Variants in RIMS2 observed in about 807,000 individuals in gnomAD.
The protein encoded by RIMS2 is regulating synaptic membrane exocytosis 2.
In RIMS2, 59 loss-of-function variants were observed where a neutral mutation model predicts 174.4. The ratio of observed to expected loss-of-function variants is 0.34; its 90% CI spans 0.27 to 0.42. RIMS2 has a LOEUF of 0.42. Among genes scored for constraint, RIMS2 ranks in the 10% least tolerant of loss-of-function variants. The probability of loss-of-function intolerance (pLI) is 1.00; values close to 1 mark genes in which losing one functional copy is unlikely to be tolerated. For synonymous variants in RIMS2, 606 were observed against 572.5 expected, an observed-to-expected ratio of 1.06 and a Z score of -0.84; for missense variants, 1,620 against 1,666.3, an observed-to-expected ratio of 0.97 and a Z score of 0.48.
At chr8:103,684,857 G>T (rs879320657) in intron 1 of RIMS2, among the ~76,000 whole-genome samples, 12 of 151,964 alleles carry the variant, frequency 7.9e-5, no homozygotes, top group Non-Finnish European at 1.6e-4. Context: ...AAAGTGCTGG[G>T]ATTACAGGCA....
chr8:103,669,804 C>A (rs977780008), intron 1 of RIMS2, among the ~76,000 whole-genome samples: 8 of 152,230 alleles, frequency 5.3e-5, no homozygotes, highest in Non-Finnish European at 1.2e-4. Context: ...GAGCCCCTTC[C>A]GGCTGCTTTC....
chr8:103,834,336 T>C (rs75352065), intron 3 of RIMS2, among the ~76,000 whole-genome samples: 8 of 147,856 alleles, frequency 5.4e-5, no homozygotes, highest in African/African-American at 9.9e-5. Context: ...CTTTTTCTTT[T>C]TTTTTTTTTT....
At chr8:104,220,751 C>G (rs1289208940) in intron 19 of RIMS2, among the ~76,000 whole-genome samples, 1 of 151,964 alleles carries the variant, frequency 6.6e-6, no homozygotes, top group Non-Finnish European at 1.5e-5. Context: ...ACAGGCATGA[C>G]CCCCACACCT....
chr8:103,603,754 A>G (rs1223987737), intron 1 of RIMS2, among the ~76,000 whole-genome samples: 8 of 140,626 alleles, frequency 5.7e-5, no homozygotes, highest in African/African-American at 7.9e-5. Context: ...GCCAGTGATG[A>G]TGAGCATTTT....
intron 19 of RIMS2, among the ~76,000 whole-genome samples, chr8:104,191,859 C>T (rs2098999515): frequency 1.3e-5 from 2 of 152,104 alleles, no homozygotes; most frequent in Non-Finnish European, 2.9e-5. Flanking sequence ...CCCTCTTCAG[C>T]CTCCCAAAGT....
chr8:104,029,170 G>A lies in RIMS2; in HGVS notation c.3334+14555G>A, dbSNP rs551789252. Among the ~76,000 whole-genome samples the A allele has an allele frequency of 3.9e-5, 6 of 152,228 alleles. No homozygotes were observed. In the South Asian group the frequency reaches 6.2e-4, roughly 16 times the overall value. Reference sequence around the variant, plus strand: ...ATGCATTCTAACTAGCATATGAACCGTGAGGACAAAGAAGTCACTCTCGTT... The same window carrying A: ...ATGCATTCTAACTAGCATATGAACCATGAGGACAAAGAAGTCACTCTCGTT... On this transcript the variant is annotated intron_variant, in intron 19 of 23. Transcript: ENST00000504942.
At chr8:104,238,746 A>G (rs2099272111) in intron 19 of RIMS2, among the ~76,000 whole-genome samples, 1 of 152,280 alleles carries the variant, frequency 6.6e-6, no homozygotes, top group South Asian at 2.1e-4. Context: ...ATTGCTTCCT[A>G]AAATCTGTGA....
chr8:103,851,316 T>C (rs1232207115), intron 3 of RIMS2, among the ~76,000 whole-genome samples: 1 of 151,890 alleles, frequency 6.6e-6, no homozygotes, highest in Non-Finnish European at 1.5e-5. Context: ...TTGTAAGCTA[T>C]ATGTTTTGCT....
intron 3 of RIMS2, among the ~76,000 whole-genome samples, chr8:103,869,322 A>T (rs1310500228): frequency 6.6e-6 from 1 of 151,700 alleles, no homozygotes; most frequent in African/African-American, 2.4e-5. Flanking sequence ...CAGCCTCCTG[A>T]GTAGCTGGGA....
downstream of RIMS2, chr8:104,253,590 G>A (rs1190018475): frequency 1.3e-5 from 2 of 152,148 alleles, no homozygotes; most frequent in African/African-American, 4.8e-5. Flanking sequence ...TTTACAGACG[G>A]TTATTACCAT....
chr8:104,020,629 T>C (rs1428175788), intron 19 of RIMS2, among the ~76,000 whole-genome samples: 1 of 152,010 alleles, frequency 6.6e-6, no homozygotes, highest in Non-Finnish European at 1.5e-5. Flanking sequence ...AAGATACTAG[T>C]GGTCATGTTA....
rs544866933 is a variant in RIMS2 at position 103,961,221 on chromosome 8, GAT to G, written c.2770+92_2770+93del. ...TAAAAGTAAATAAATAAAAGAGAAA[GAT>G]ATAACTCGTCTTCTCACCCTCCAAA... On this transcript the variant is annotated intron_variant, in intron 15 of 23. Transcript: ENST00000504942. 9.7e-5 allele frequency: 72 copies of G among 740,508 alleles called. No homozygotes were observed. In the East Asian group the frequency reaches 1.6e-3, roughly 17 times the overall value. The allele number at this position is 740,508 out of a possible 1,614,324, so 45.9% of individuals were successfully genotyped here.
At position 103,513,621 on chromosome 8, in the gene RIMS2, A is replaced by G. The variant is rs114063964; in HGVS notation, c.176+12559A>G. On this transcript the variant is annotated intron_variant, in intron 1 of 23. Transcript: ENST00000504942. ...TTTTGGCCCAGACTTACACAAAAAT[A>G]ATTTTTGTTTTCAGAGCTTTTTGGA... 6.1e-3 allele frequency among the ~76,000 whole-genome samples: 936 copies of G among 152,268 alleles called. 11 individuals carry two copies. The highest frequency in any genetic ancestry group is 0.021 in the African/African-American group (886 of 41,552).
At chr8:104,168,380 C>A (rs1276632783) in intron 19 of RIMS2, among the ~76,000 whole-genome samples, 1 of 152,048 alleles carries the variant, frequency 6.6e-6, no homozygotes, top group Non-Finnish European at 1.5e-5. Flanking sequence ...TCTTTCACTT[C>A]CTTGGTTAAG....
At chr8:103,780,488 T>G (rs1178529515) in intron 3 of RIMS2, among the ~76,000 whole-genome samples, 2 of 152,200 alleles carry the variant, frequency 1.3e-5, no homozygotes, top group African/African-American at 4.8e-5. Context: ...CTTCAAGCTC[T>G]CCGATTCTTT....
intron 17 of RIMS2, among the ~76,000 whole-genome samples, chr8:103,989,740 A>G (rs932603032): frequency 6.6e-6 from 1 of 152,162 alleles, no homozygotes; most frequent in Non-Finnish European, 1.5e-5. Flanking sequence ...ATGTTTTATT[A>G]TTTTTCTTGT....
chr8:104,159,708 G>A (rs1268777817), intron 19 of RIMS2, among the ~76,000 whole-genome samples: 1 of 152,160 alleles, frequency 6.6e-6, no homozygotes, highest in Non-Finnish European at 1.5e-5. Context: ...TATGCTCATA[G>A]ATCATTTGTT....
At chr8:103,611,367 T>C (rs1226941340) in intron 1 of RIMS2, among the ~76,000 whole-genome samples, 24 of 152,184 alleles carry the variant, frequency 1.6e-4, no homozygotes, top group Admixed American at 1.5e-3. Context: ...TGCAGTGTTT[T>C]AATATTTTGT....
intron 3 of RIMS2, among the ~76,000 whole-genome samples, chr8:103,837,243 C>A (rs1466634933): frequency 6.6e-6 from 1 of 152,210 alleles, no homozygotes; most frequent in African/African-American, 2.4e-5. Context: ...TGGCACTTAT[C>A]TGAAAGCTCT....
Sources: gnomAD v4.1 joint callset for allele counts (sites outside exome capture counted in the v4.1 genomes callset) on GRCh38, gnomAD v4.1.1 for gene constraint, MANE v1.5 for transcripts, NCBI Gene and HGNC (gene_info 2026-07-23, HGNC 2026-07-21) for gene names.